KIRREL3: variants seen among roughly 807,000 people sequenced by gnomAD.
The protein encoded by KIRREL3 is kirre like nephrin family adhesion molecule 3, also known as kin of IRRE-like protein 3.
Under a neutral mutation model 89.7 loss-of-function variants are expected in KIRREL3, and 36 were observed. The ratio of observed to expected loss-of-function variants is 0.40; its 90% CI spans 0.31 to 0.53. KIRREL3 has a LOEUF of 0.53. KIRREL3 is among the 20% of genes least tolerant of loss of function. The pLI, the probability that KIRREL3 is intolerant of heterozygous loss-of-function variation, is 0.49. For synonymous variants in KIRREL3, 445 were observed against 441.4 expected (o/e 1.01, Z -0.10); for missense variants, 864 against 1,056.6 (o/e 0.82, Z 2.53).
At chr11:126,617,099 C>A (rs1271107433) in intron 1 of KIRREL3, among the ~76,000 whole-genome samples, 1 of 152,222 alleles carries the variant, frequency 6.6e-6, no homozygotes, top group Non-Finnish European at 1.5e-5. Context: ...GCTTTCACAG[C>A]CTCACTAAAT....
intron 1 of KIRREL3, among the ~76,000 whole-genome samples, chr11:126,793,771 A>G (rs1455107058): frequency 1.3e-5 from 2 of 152,236 alleles, no homozygotes; most frequent in African/African-American, 2.4e-5. Context: ...AAGCGTGCTC[A>G]TGCTCATGAG....
At chr11:126,733,650 G>A (rs116119118) in intron 1 of KIRREL3, among the ~76,000 whole-genome samples, 1,924 of 152,258 alleles carry the variant, frequency 0.013, 41 homozygotes, top group African/African-American at 0.042. Context: ...AACAGTTTTA[G>A]CCAGGGTTTT....
rs61897864 is a variant in KIRREL3 at position 126,703,575 on chromosome 11, G to T, written c.56-140663C>A. 6.6e-6 allele frequency among the ~76,000 whole-genome samples: 1 copy of T among 152,144 alleles called. No homozygotes were observed. The highest frequency in any genetic ancestry group is 1.5e-5 in the Non-Finnish European group (1 of 68,022). On this transcript the variant is annotated intron_variant, in intron 1 of 16. Transcript: ENST00000525144. The surrounding 1 kb of genome is among the most constrained non-coding windows in gnomAD (Gnocchi z 4.6). The stretch of plus-strand genomic sequence containing the variant: ...TGATCGGTCAGAGGTCAGTCAGATC[G>T]GGAGTGATGGGGCTGTAATCCAAAT...
At position 126,723,035 on chromosome 11, in the gene KIRREL3, C is replaced by T. The variant is rs1948239113; in HGVS notation, c.56-160123G>A. On this transcript the variant is annotated intron_variant, in intron 1 of 16. Coordinates refer to ENST00000525144, the MANE Select transcript of KIRREL3 (RefSeq NM_032531.4). This position sits in a 1 kb window ranked among gnomAD's most constrained non-coding sequence, Gnocchi z 4.0. ...AATTGGCCTTTCTTCATCTATTCCT[C>T]TTACAGTCTTCTGTGGCTGCACATA... Among the ~76,000 whole-genome samples, 1 of 152,198 alleles carries T rather than the reference C, an allele frequency of 6.6e-6. No individual in the cohort carries two copies. The highest frequency in any genetic ancestry group is 1.9e-4 in the East Asian group (1 of 5,196).
rs1409824211 is a variant in KIRREL3, at chr11:126,541,404, GGGGT to G, written c.134-14721_134-14718del. Reference sequence around the variant, plus strand: ...ATCCAAAATCCTATTTCGGGGGTGGGGGGTGGTCCTAAGGTTGAAAATAATAAAA... The same window carrying G: ...ATCCAAAATCCTATTTCGGGGGTGGGGGTCCTAAGGTTGAAAATAATAAAA... On this transcript the variant is annotated intron_variant, in intron 2 of 16. Transcript: ENST00000525144. This position sits in a 1 kb window ranked among gnomAD's most constrained non-coding sequence, Gnocchi z 4.8. Among the ~76,000 whole-genome samples, 2 of 152,088 alleles carry G rather than the reference GGGGT, an allele frequency of 1.3e-5. No individual in the cohort carries two copies. Among genetic ancestry groups the G allele is most frequent in the Non-Finnish European group, 2.9e-5 (2 of 68,026 alleles).
intron 1 of KIRREL3, chr11:126,935,410 A>G (rs1047559691): frequency 6.6e-6 from 1 of 152,194 alleles, no homozygotes; most frequent in African/African-American, 2.4e-5. Flanking sequence ...GTAGGTCCAC[A>G]CAAAAACCTG....
In KIRREL3 at chr11:126,841,871, C is replaced by T. The variant is rs190642616; in HGVS notation, c.55+158584G>A. On this transcript the variant is annotated intron_variant, in intron 1 of 16. Coordinates refer to ENST00000525144, the MANE Select transcript of KIRREL3 (RefSeq NM_032531.4). ...GTTGGTTTTTTCCTACTTAAATCCT[C>T]CAGGAAAAGACAAAGGCTTCATACA... Among the ~76,000 whole-genome samples, 147 of 152,266 alleles carry T rather than the reference C, an allele frequency of 9.7e-4. 2 individuals carry two copies. The highest frequency in any genetic ancestry group is 3.1e-3 in the African/African-American group (128 of 41,556).
rs573523853 is a variant in KIRREL3, at chr11:126,569,657, A to G, written c.56-6745T>C. Among the ~76,000 whole-genome samples the G allele has an allele frequency of 6.6e-6, 1 of 152,356 alleles. No homozygotes were observed. The highest frequency in any genetic ancestry group is 2.1e-4 in the South Asian group (1 of 4,826). Reference sequence around the variant, plus strand: ...AAAGAAAGTCTTGAGGCAGCACGCAAGTTATTTCTGCATGAATGGCAATTC... The same window carrying G: ...AAAGAAAGTCTTGAGGCAGCACGCAGGTTATTTCTGCATGAATGGCAATTC... On this transcript the variant is annotated intron_variant, in intron 1 of 16. Transcript: ENST00000525144. The surrounding 1 kb of genome is among the most constrained non-coding windows in gnomAD (Gnocchi z 6.5).
At chr11:126,839,676 G>A (rs2134517548) in intron 1 of KIRREL3, among the ~76,000 whole-genome samples, 1 of 152,296 alleles carries the variant, frequency 6.6e-6, no homozygotes, top group East Asian at 1.9e-4. Flanking sequence ...TTGTGTGAAG[G>A]TCTTTGCTGT....
intron 1 of KIRREL3, among the ~76,000 whole-genome samples, chr11:126,922,529 G>A (rs922600448): frequency 2.0e-5 from 3 of 151,724 alleles, no homozygotes; most frequent in African/African-American, 7.3e-5. Context: ...AGCATGTAAC[G>A]TTCCCTCCCA....
intron 1 of KIRREL3, among the ~76,000 whole-genome samples, chr11:126,829,616 A>T (rs1393112390): frequency 6.6e-6 from 1 of 152,146 alleles, no homozygotes; most frequent in South Asian, 2.1e-4. Flanking sequence ...CCCAATGCTC[A>T]TGTGTTCATT....
Position 126,890,121 on chromosome 11 carries a change from A to G in KIRREL3, c.55+110334T>C, listed in dbSNP as rs924083015. Among the ~76,000 whole-genome samples, 7 of 152,218 alleles carry G rather than the reference A, an allele frequency of 4.6e-5. No individual in the cohort carries two copies. The highest frequency in any genetic ancestry group is 1.3e-4 in the Admixed American group (2 of 15,286). ...GGGGATGGGTCAGTGCAATCTCTGT[A>G]GTTAAATTCTTGAGTTAAAATGAAG... On this transcript the variant is annotated intron_variant, in intron 1 of 16. Transcript: ENST00000525144. The surrounding 1 kb of genome is among the most constrained non-coding windows in gnomAD (Gnocchi z 5.1).
At chr11:126,823,301 G>T (rs1405835307) in intron 1 of KIRREL3, among the ~76,000 whole-genome samples, 1 of 152,172 alleles carries the variant, frequency 6.6e-6, no homozygotes, top group Admixed American at 6.5e-5. Context: ...AAGCCTGGAG[G>T]ACAAGTGGGG....
rs1293542567 is a variant in KIRREL3, at chr11:127,000,421, C to A, written c.55+34G>T. ...TCCCGCGCCCTGACAACCCAGCCGA[C>A]TTTCTTCCAACTCCAGCAGCGCAGG... is the stretch of plus-strand genomic sequence containing the variant. On this transcript the variant is annotated intron_variant, in intron 1 of 16. Coordinates refer to ENST00000525144, the MANE Select transcript of KIRREL3 (RefSeq NM_032531.4). This position sits in a 1 kb window ranked among gnomAD's most constrained non-coding sequence, Gnocchi z 7.1. 54 of 1,574,652 alleles carry A rather than the reference C, an allele frequency of 3.4e-5. No homozygotes were observed. The highest frequency in any genetic ancestry group is 3.3e-4 in the Middle Eastern group (2 of 6,010).
intron 1 of KIRREL3, among the ~76,000 whole-genome samples, chr11:126,659,744 A>G (rs1464386287): frequency 6.6e-6 from 1 of 152,242 alleles, no homozygotes; most frequent in Non-Finnish European, 1.5e-5. Context: ...GCTTGATAAC[A>G]ATGCAAATGC....
intron 1 of KIRREL3, among the ~76,000 whole-genome samples, chr11:126,968,522 T>C (rs1028838982): frequency 6.6e-6 from 1 of 152,204 alleles, no homozygotes; most frequent in African/African-American, 2.4e-5. Context: ...CATTCATTGC[T>C]GCCATCAAAG....
Position 126,579,656 on chromosome 11 carries a change from G to A in KIRREL3, c.56-16744C>T, listed in dbSNP as rs1283574071. Among the ~76,000 whole-genome samples the A allele has an allele frequency of 6.6e-6, 1 of 152,092 alleles. No individual in the cohort carries two copies. The highest frequency in any genetic ancestry group is 1.5e-5 in the Non-Finnish European group (1 of 68,014). On this transcript the variant is annotated intron_variant, in intron 1 of 16. Coordinates refer to ENST00000525144, the MANE Select transcript of KIRREL3 (RefSeq NM_032531.4). The surrounding 1 kb of genome is among the most constrained non-coding windows in gnomAD (Gnocchi z 5.3). ...TGGCCCTAGAGTGGGGAGCATTGAG[G>A]TTGGATGGCATTTGTATCTAGAGTT...
At chr11:126,720,048 A>G (rs777717620) in intron 1 of KIRREL3, among the ~76,000 whole-genome samples, 1 of 152,024 alleles carries the variant, frequency 6.6e-6, no homozygotes, top group Admixed American at 6.5e-5. Flanking sequence ...TCTCAAGCCA[A>G]CCTGCAGGCT....
intron 1 of KIRREL3, among the ~76,000 whole-genome samples, chr11:126,674,737 C>A (rs1465997654): frequency 6.6e-6 from 1 of 152,142 alleles, no homozygotes; most frequent in Non-Finnish European, 1.5e-5. Context: ...TTCTTAGGAG[C>A]TAAGAATTTT....
Sources: gnomAD v4.1 joint callset for allele counts (sites outside exome capture counted in the v4.1 genomes callset) on GRCh38, gnomAD v4.1.1 for gene constraint, Gnocchi (gnomAD v3.1) non-coding constraint, MANE v1.5 for transcripts, NCBI Gene and HGNC (gene_info 2026-07-23, HGNC 2026-07-21) for gene names.